CACUL1: variants seen among roughly 807,000 people sequenced by gnomAD.
CACUL1 encodes CDK2-associated and cullin domain-containing protein 1.
CACUL1 carries 13 observed loss-of-function variants against 45.2 expected under a neutral mutation model. The observed-to-expected ratio is 0.29, with a 90% CI of 0.19 to 0.46. CACUL1 has a LOEUF of 0.46. Ranked by LOEUF, CACUL1 falls within the 20% of genes least tolerant of loss-of-function variation. The pLI is 1.00. For missense variants in CACUL1, 421 were observed against 471.4 expected, an observed-to-expected ratio of 0.89 and a Z score of 0.99; for synonymous variants, 197 against 174.2, an observed-to-expected ratio of 1.13 and a Z score of -1.03.
chr10:118,734,131 G>T (rs1845720960), intron 1 of CACUL1, among the ~76,000 whole-genome samples: 1 of 152,214 alleles, frequency 6.6e-6, no homozygotes, highest in Admixed American at 6.5e-5. Context: ...GATCTTAGGA[G>T]ATCTGCAAGG....
intron 3 of CACUL1, among the ~76,000 whole-genome samples, chr10:118,716,475 G>C (rs1042193672): frequency 1.3e-5 from 2 of 151,942 alleles, no homozygotes; most frequent in Non-Finnish European, 2.9e-5. Flanking sequence ...TATTTCATCA[G>C]TCCCTTGTCA....
At chr10:118,745,606 C>G (rs538082839) in intron 1 of CACUL1, among the ~76,000 whole-genome samples, 4 of 151,812 alleles carry the variant, frequency 2.6e-5, no homozygotes, top group Admixed American at 1.3e-4. Flanking sequence ...TTTTAAATAA[C>G]AGATGGACAA....
intron 5 of CACUL1, among the ~76,000 whole-genome samples, chr10:118,700,535 G>A (rs562527694): frequency 1.3e-5 from 2 of 152,112 alleles, no homozygotes; most frequent in East Asian, 3.9e-4. Context: ...GGCCAACATG[G>A]TGAAACCCCA....
At chr10:118,715,895 T>C (rs1845538318) in intron 3 of CACUL1, among the ~76,000 whole-genome samples, 1 of 152,146 alleles carries the variant, frequency 6.6e-6, no homozygotes, top group Non-Finnish European at 1.5e-5. Flanking sequence ...GTAAAAGTAA[T>C]GTACGTTCAT....
At position 118,696,586 on chromosome 10, in the gene CACUL1, T is replaced by C. The variant is rs928586218; in HGVS notation, c.797-1356A>G. 2.0e-5 allele frequency among the ~76,000 whole-genome samples: 3 copies of C among 152,204 alleles called. No homozygotes were observed. The East Asian group carries it at 5.8e-4, about 29-fold the overall frequency. ...TGAACCTGGGAGGCGGAGGCTGCAGTGAGCCAAGATCCCGCTACTGCACTC... is the reference window on the plus strand; with the variant it reads ...TGAACCTGGGAGGCGGAGGCTGCAGCGAGCCAAGATCCCGCTACTGCACTC... On this transcript the variant is annotated intron_variant, in intron 5 of 8. Coordinates refer to ENST00000369151, the MANE Select transcript of CACUL1 (RefSeq NM_153810.5).
chr10:118,728,901 A>G (rs1381579002), intron 3 of CACUL1, among the ~76,000 whole-genome samples: 1 of 152,230 alleles, frequency 6.6e-6, no homozygotes, highest in African/African-American at 2.4e-5. Flanking sequence ...GAAAGGTATT[A>G]TAAATCAGTA....
At chr10:118,712,178 G>A (rs1392519676) in intron 3 of CACUL1, among the ~76,000 whole-genome samples, 5 of 152,186 alleles carry the variant, frequency 3.3e-5, no homozygotes, top group Non-Finnish European at 5.9e-5. Flanking sequence ...GGCAGGTGGC[G>A]CCTTTACCTG....
chr10:118,747,095 C>CG (rs1845850002), intron 1 of CACUL1, among the ~76,000 whole-genome samples: 1 of 152,200 alleles, frequency 6.6e-6, no homozygotes, highest in East Asian at 1.9e-4. Context: ...TTACCAGACT[C>CG]TAAGACCTGA....
At chr10:118,699,504 C>T (rs1279368302) in intron 5 of CACUL1, among the ~76,000 whole-genome samples, 2 of 152,118 alleles carry the variant, frequency 1.3e-5, no homozygotes, top group African/African-American at 2.4e-5. Flanking sequence ...CAAACTAGAC[C>T]GGCTTTTTCT....
At chr10:118,710,072 C>T (rs1845469996) in intron 3 of CACUL1, among the ~76,000 whole-genome samples, 1 of 150,094 alleles carries the variant, frequency 6.7e-6, no homozygotes, top group African/African-American at 2.5e-5. Flanking sequence ...AGCACTAGGC[C>T]TGCCTAATTT....
chr10:118,735,493 G>A (rs185291636), intron 1 of CACUL1, among the ~76,000 whole-genome samples: 46 of 152,330 alleles, frequency 3.0e-4, no homozygotes, highest in African/African-American at 1.1e-3. Context: ...CTAGGGGTGG[G>A]TGGAACCCAG....
intron 7 of CACUL1, among the ~76,000 whole-genome samples, chr10:118,687,466 G>A (rs1405221760): frequency 6.6e-6 from 1 of 151,978 alleles, no homozygotes; most frequent in African/African-American, 2.4e-5. Context: ...CCTCATTCTG[G>A]GGCATTCTGT....
In CACUL1 at chr10:118,676,472, G is replaced by A. The variant is rs1433813522; in HGVS notation, c.*9656C>T. The A allele has an allele frequency of 1.3e-5, 2 of 152,144 alleles. No individual in the cohort carries two copies. Among genetic ancestry groups the A allele is most frequent in the African/African-American group, 2.4e-5 (1 of 41,418 alleles). 9.4% of individuals were successfully genotyped at this position (152,144 alleles called of 1,614,324 possible). ...TCAACAACACACTTTTGCAAAATTGGTGGATGGAACTCAAAAATATTTTCA... is the reference window on the plus strand; with the variant it reads ...TCAACAACACACTTTTGCAAAATTGATGGATGGAACTCAAAAATATTTTCA... On this transcript the variant is annotated 3_prime_UTR_variant, in exon 9 of 9. Coordinates refer to ENST00000369151, the MANE Select transcript of CACUL1 (RefSeq NM_153810.5).
Position 118,676,839 on chromosome 10 carries a change from T to TACACACAC in CACUL1, c.*9281_*9288dup, listed in dbSNP as rs55641894. ...ACATTTTAAAATATATATGTCTATG[T>TACACACAC]ACACACACACACACACACACACACA... is the stretch of plus-strand genomic sequence containing the variant. On this transcript the variant is annotated 3_prime_UTR_variant, in exon 9 of 9. Transcript: ENST00000369151. The TACACACAC allele has an allele frequency of 3.3e-5, 5 of 149,950 alleles. No homozygotes were observed. In the East Asian group the frequency reaches 9.8e-4, roughly 29 times the overall value. The allele number at this position is 149,950 out of a possible 1,614,324, so 9.3% of individuals were successfully genotyped here. A position where few individuals can be genotyped will look rare whatever the true frequency, so the allele number is the denominator to read the frequency against.
chr10:118,754,249 A>C, intron 1 of CACUL1, 147 bp downstream of exon 1: 1 of 1,197,738 alleles, frequency 8.3e-7, no homozygotes, highest in Non-Finnish European at 1.1e-6. Flanking sequence ...GTGAGGGGGA[A>C]GGAGGCAGGG....
Position 118,681,570 on chromosome 10 carries a change from A to G in CACUL1, c.*4558T>C, listed in dbSNP as rs1419743521. ...ATTCTTAACCCCAGAGCCACACAAT[A>G]AAGTTCTCAGAATTGTAAGCCATTA... On this transcript the variant is annotated 3_prime_UTR_variant, in exon 9 of 9. Coordinates refer to ENST00000369151, the MANE Select transcript of CACUL1 (RefSeq NM_153810.5). The G allele has an allele frequency of 6.6e-6, 1 of 152,248 alleles. No homozygotes were observed. Among genetic ancestry groups the G allele is most frequent in the African/African-American group, 2.4e-5 (1 of 41,462 alleles). The allele number at this position is 152,248 out of a possible 1,614,324, so 9.4% of individuals were successfully genotyped here.
At chr10:118,733,100 C>G (rs890418514) in intron 1 of CACUL1, among the ~76,000 whole-genome samples, 17 of 152,282 alleles carry the variant, frequency 1.1e-4, no homozygotes, top group African/African-American at 4.1e-4. Flanking sequence ...TGGGAGCACT[C>G]CTACTTCTCA....
At chr10:118,690,183 C>T (rs977337552) in intron 7 of CACUL1, among the ~76,000 whole-genome samples, 3 of 151,918 alleles carry the variant, frequency 2.0e-5, no homozygotes, top group Admixed American at 1.3e-4. Flanking sequence ...CGCCTGTAGT[C>T]CCAGCTACTC....
chr10:118,700,890 G>A (rs1845373342), intron 5 of CACUL1, among the ~76,000 whole-genome samples: 1 of 152,176 alleles, frequency 6.6e-6, no homozygotes. Flanking sequence ...GACAGAACCA[G>A]ACTAGAGAAG....
Sources: allele counts gnomAD v4.1 joint callset (sites outside exome capture counted in the v4.1 genomes callset), GRCh38; gene constraint gnomAD v4.1.1; transcripts MANE v1.5; gene names NCBI Gene and HGNC (gene_info 2026-07-23, HGNC 2026-07-21).